PTPRT: variants seen among roughly 807,000 people sequenced by gnomAD.
The protein encoded by PTPRT is receptor-type tyrosine-protein phosphatase T.
A neutral mutation model predicts 176.8 loss-of-function variants in PTPRT; 56 were observed. That is an observed-to-expected ratio of 0.32 (90% CI 0.26 to 0.40). The LOEUF is 0.40. Among genes scored for constraint, PTPRT ranks in the 10% least tolerant of loss-of-function variants. PTPRT has a pLI of 1.00. For missense variants in PTPRT, 1,540 were observed against 1,908.2 expected (o/e 0.81, Z 3.60); for synonymous variants, 783 against 739.0 (o/e 1.06, Z -0.96).
chr20:42,107,041 C>T, intron 23 of PTPRT, 120 bp from the exon 24 acceptor site: 5 of 1,278,840 alleles, frequency 3.9e-6, no homozygotes, highest in Non-Finnish European at 5.3e-6. Context: ...TTATGTGTTC[C>T]CACATTTCCT....
Position 42,145,888 on chromosome 20 carries a change from A to G in PTPRT, c.2683-3886T>C, listed in dbSNP as rs115644364. ...TACAGGTGCTAGGTTTTGGGCACCA[A>G]TCTCTGACCTAAATCTGGGTATGGC... On this transcript the variant is annotated intron_variant, in intron 17 of 30. Transcript: ENST00000373187. 9.4e-3 allele frequency among the ~76,000 whole-genome samples: 1,427 copies of G among 152,332 alleles called. 22 individuals carry two copies. Among genetic ancestry groups the G allele is most frequent in the African/African-American group, 0.032 (1,325 of 41,578 alleles).
At chr20:42,318,407 TA>T (rs1158011858) in intron 11 of PTPRT, among the ~76,000 whole-genome samples, 1 of 152,164 alleles carries the variant, frequency 6.6e-6, no homozygotes, top group Non-Finnish European at 1.5e-5. Context: ...TATATTCAGG[TA>T]AATCTTTGAA....
intron 7 of PTPRT, among the ~76,000 whole-genome samples, chr20:42,642,395 G>C (rs763365978): frequency 5.3e-5 from 8 of 152,144 alleles, no homozygotes; most frequent in African/African-American, 9.7e-5. Flanking sequence ...ACCTCCCTGA[G>C]TCTCAGTGAC....
intron 11 of PTPRT, among the ~76,000 whole-genome samples, chr20:42,333,652 A>G (rs2057999491): frequency 6.6e-6 from 1 of 151,734 alleles, no homozygotes; most frequent in Admixed American, 6.6e-5. Flanking sequence ...TTGTTTTTAA[A>G]TGAATTTAAA....
intron 6 of PTPRT, among the ~76,000 whole-genome samples, chr20:42,748,424 G>A (rs2145369500): frequency 6.6e-6 from 1 of 152,278 alleles, no homozygotes; most frequent in African/African-American, 2.4e-5. Context: ...TCTGAGGCCA[G>A]CCTTTGCTTT....
intron 7 of PTPRT, among the ~76,000 whole-genome samples, chr20:42,670,801 T>C (rs980491686): frequency 6.6e-6 from 1 of 152,112 alleles, no homozygotes; most frequent in Non-Finnish European, 1.5e-5. Flanking sequence ...TCTGTAACTA[T>C]AATCGGAGTG....
intron 2 of PTPRT, among the ~76,000 whole-genome samples, chr20:42,804,291 C>T (rs1039960706): frequency 6.6e-6 from 1 of 152,152 alleles, no homozygotes; most frequent in African/African-American, 2.4e-5. Context: ...CCCTCCTCCC[C>T]TGTCCCACTT....
chr20:42,232,624 C>T (rs2056157126), intron 15 of PTPRT, among the ~76,000 whole-genome samples: 2 of 150,986 alleles, frequency 1.3e-5, no homozygotes, highest in African/African-American at 4.9e-5. Flanking sequence ...CAAGGCCTCT[C>T]CCTCCTCCCC....
At chr20:42,681,959 TGAAAA>T (rs2075611687) in intron 6 of PTPRT, among the ~76,000 whole-genome samples, 1 of 152,160 alleles carries the variant, frequency 6.6e-6, no homozygotes, top group African/African-American at 2.4e-5. Flanking sequence ...CCCACTTATG[TGAAAA>T]GTTCAAGAAC....
rs1485056993 is a variant in PTPRT, at chr20:42,080,180, A to G, written c.*699T>C. On this transcript the variant is annotated 3_prime_UTR_variant, in exon 31 of 31. Transcript: ENST00000373187. ...ACCCCCTCCCACTGACCACACAAAA[A>G]AGCAAAGAACACCTTTATCAAAAAC... 4.3e-6 allele frequency: 1 copy of G among 232,406 alleles called. No individual in the cohort carries two copies. Among genetic ancestry groups the G allele is most frequent in the Non-Finnish European group, 8.5e-6 (1 of 117,548 alleles). The allele number at this position is 232,406 out of a possible 1,614,324, so 14.4% of individuals were successfully genotyped here. A position where few individuals can be genotyped will look rare whatever the true frequency, so the allele number is the denominator to read the frequency against.
chr20:42,786,272 T>C (rs2077289372), intron 3 of PTPRT, among the ~76,000 whole-genome samples: 1 of 152,238 alleles, frequency 6.6e-6, no homozygotes, highest in Non-Finnish European at 1.5e-5. Context: ...GACATGATGA[T>C]ACATATATGT....
At chr20:43,127,801 C>A (rs2013502450) in intron 1 of PTPRT, among the ~76,000 whole-genome samples, 1 of 152,182 alleles carries the variant, frequency 6.6e-6, no homozygotes, top group African/African-American at 2.4e-5. Context: ...ATAGTTTCTA[C>A]AATAAGAGAG....
chr20:42,680,083 G>C (rs2075577219), intron 6 of PTPRT, among the ~76,000 whole-genome samples: 1 of 152,202 alleles, frequency 6.6e-6, no homozygotes, highest in Non-Finnish European at 1.5e-5. Context: ...TATTCACATG[G>C]ATAGAAGGCA....
chr20:42,679,072 G>C (rs184166083), intron 6 of PTPRT, among the ~76,000 whole-genome samples: 4 of 152,168 alleles, frequency 2.6e-5, no homozygotes, highest in Admixed American at 1.3e-4. Context: ...CTGAGTTATC[G>C]TGCATCTACT....
chr20:42,106,240 A>G (rs982550152), intron 24 of PTPRT, among the ~76,000 whole-genome samples: 6 of 152,302 alleles, frequency 3.9e-5, no homozygotes, highest in African/African-American at 1.2e-4. Context: ...ATTCCTTTCA[A>G]TACTCTTAGG....
chr20:42,752,875 G>C (rs1219235392), intron 6 of PTPRT, among the ~76,000 whole-genome samples: 2 of 152,132 alleles, frequency 1.3e-5, no homozygotes, highest in East Asian at 3.9e-4. Flanking sequence ...ACCCACTCCA[G>C]GGTGACAGGT....
At chr20:42,794,990 G>C (rs2077432801) in intron 2 of PTPRT, among the ~76,000 whole-genome samples, 1 of 152,152 alleles carries the variant, frequency 6.6e-6, no homozygotes, top group East Asian at 1.9e-4. Flanking sequence ...CGCGCCACTA[G>C]AGATTGCTCA....
intron 19 of PTPRT, among the ~76,000 whole-genome samples, chr20:42,122,441 A>G (rs1432295027): frequency 1.3e-5 from 2 of 152,186 alleles, no homozygotes; most frequent in African/African-American, 4.8e-5. Flanking sequence ...CTGTGACACA[A>G]GGGGTAGGAA....
At chr20:43,101,231 G>A (rs74429146) in intron 1 of PTPRT, among the ~76,000 whole-genome samples, 3 of 152,218 alleles carry the variant, frequency 2.0e-5, no homozygotes, top group Non-Finnish European at 2.9e-5. Context: ...TACAGACCTC[G>A]CAGGATTTGC....
Sources: gnomAD v4.1 joint callset for allele counts (sites outside exome capture counted in the v4.1 genomes callset) on GRCh38, gnomAD v4.1.1 for gene constraint, MANE v1.5 for transcripts, NCBI Gene and HGNC (gene_info 2026-07-23, HGNC 2026-07-21) for gene names.